The following AIDA variants were observed in gnomAD, a reference collection of about 807,000 sequenced individuals.
AIDA encodes axin interactor, dorsalization associated.
Under a neutral mutation model 42.7 loss-of-function variants are expected in AIDA, and 18 were observed. The observed-to-expected ratio is 0.42, with a 90% CI of 0.29 to 0.63. The LOEUF is 0.63. AIDA is among the 20% of genes least tolerant of loss of function. The probability of loss-of-function intolerance (pLI) is 0.19; values close to 1 mark genes in which losing one functional copy is unlikely to be tolerated. For missense variants in AIDA, 250 were observed against 354.1 expected (o/e 0.71, Z 2.36); for synonymous variants, 104 against 122.9 (o/e 0.85, Z 1.02).
At chr1:222,684,979 G>A (rs983059580) in intron 6 of AIDA, among the ~76,000 whole-genome samples, 1 of 152,136 alleles carries the variant, frequency 6.6e-6, no homozygotes, top group Non-Finnish European at 1.5e-5. Flanking sequence ...AAATTATCGA[G>A]TCAGTGAAAC....
At position 222,688,075 on chromosome 1, in the gene AIDA, C is replaced by A. The variant is rs140213179; in HGVS notation, c.290-417G>T. 1.5e-3 allele frequency among the ~76,000 whole-genome samples: 225 copies of A among 152,164 alleles called. 6 individuals are homozygous for A. In the South Asian group the frequency reaches 0.021, roughly 14 times the overall value. On this transcript the variant is annotated intron_variant, in intron 4 of 9. Transcript: ENST00000340020. ...TCTACAAAATAAAAATAAAAATTAG[C>A]CAGGCATGGTGGCGCAGGTCTGTGG...
At position 222,712,458 on chromosome 1, in the gene AIDA, G is replaced by A. The variant is rs901605933; in HGVS notation, c.-141C>T. ...CACCACCGCCACCCGCCGAGGAGCC[G>A]CCCAAGCCCATTTGCCGCCACAGCC... On this transcript the variant is annotated 5_prime_UTR_variant, in exon 1 of 10. Transcript: ENST00000340020. 31 of 1,428,502 alleles carry A rather than the reference G, an allele frequency of 2.2e-5. No homozygotes were observed. Among genetic ancestry groups the A allele is most frequent in the South Asian group, 4.5e-5 (3 of 66,810 alleles). 88.5% of individuals were successfully genotyped at this position (1,428,502 alleles called of 1,614,324 possible).
intron 1 of AIDA, 183 bp downstream of exon 1, chr1:222,712,025 G>T: frequency 1.2e-6 from 1 of 805,412 alleles, no homozygotes; most frequent in South Asian, 1.8e-5. Flanking sequence ...CCCAGAGAGC[G>T]GAGCCGTTGT....
intron 6 of AIDA, 107 bp downstream of exon 6, chr1:222,686,823 G>T: frequency 1.5e-6 from 2 of 1,365,784 alleles, no homozygotes; most frequent in Non-Finnish European, 2.0e-6. Flanking sequence ...ATTGGCATGA[G>T]CTTTAGAGTG....
chr1:222,684,252 C>T (rs1047667178), intron 6 of AIDA, among the ~76,000 whole-genome samples: 2 of 152,016 alleles, frequency 1.3e-5, no homozygotes, highest in African/African-American at 4.8e-5. Context: ...GCTGAGATTA[C>T]AGGTGCCCAC....
chr1:222,669,867 G>C lies in AIDA; in HGVS notation c.*26C>G, dbSNP rs900750184. On this transcript the variant is annotated 3_prime_UTR_variant, in exon 10 of 10. Transcript: ENST00000340020. ...TTTCTACTGAGTGGTAAAATTCACA[G>C]AAGTTCCAGGTTCATCATGTCAGGA... 14 of 1,599,974 alleles carry C rather than the reference G, an allele frequency of 8.8e-6. No homozygotes were observed. The Admixed American group carries it at 1.5e-4, about 17-fold the overall frequency.
chr1:222,672,218 G>A lies in AIDA; in HGVS notation c.706+1095C>T, dbSNP rs1015980885. ...TTCTACTTTTATTATCTAGTGAGTCGAGCCATTAAGAAAGAACACAGTGTA... is the reference window on the plus strand; with the variant it reads ...TTCTACTTTTATTATCTAGTGAGTCAAGCCATTAAGAAAGAACACAGTGTA... On this transcript the variant is annotated intron_variant, in intron 8 of 9. Coordinates refer to ENST00000340020, the MANE Select transcript of AIDA (RefSeq NM_022831.4). 5.3e-5 allele frequency among the ~76,000 whole-genome samples: 8 copies of A among 151,952 alleles called. No individual in the cohort carries two copies. In the Middle Eastern group the frequency reaches 0.01, roughly 194 times the overall value.
chr1:222,701,376 A>T (rs1655699601), intron 2 of AIDA, among the ~76,000 whole-genome samples: 1 of 152,208 alleles, frequency 6.6e-6, no homozygotes. Context: ...AACAGGATGC[A>T]AGTAACTCAA....
At chr1:222,710,596 T>C (rs936086249) in intron 1 of AIDA, among the ~76,000 whole-genome samples, 2 of 152,210 alleles carry the variant, frequency 1.3e-5, no homozygotes, top group Non-Finnish European at 2.9e-5. Context: ...TGCTTACTAA[T>C]TGGCTACAGT....
chr1:222,689,189 G>C (rs1044469770), intron 4 of AIDA, among the ~76,000 whole-genome samples: 4 of 151,774 alleles, frequency 2.6e-5, no homozygotes, highest in Non-Finnish European at 4.4e-5. Context: ...TGTAATCCCA[G>C]CACTTTGGGA....
At chr1:222,679,675 T>C (rs940788345) in intron 6 of AIDA, among the ~76,000 whole-genome samples, 4 of 152,322 alleles carry the variant, frequency 2.6e-5, no homozygotes, top group African/African-American at 9.6e-5. Flanking sequence ...CACAATCATA[T>C]AGCAGTTTGG....
rs373052208 is a variant in AIDA, at chr1:222,682,335, G to T, written c.460+4595C>A. ...AATGCCTTCTCAGAAAATTACTAAG[G>T]ATTGTATCTTCTGAAAACATCGTGA... On this transcript the variant is annotated intron_variant, in intron 6 of 9. Transcript: ENST00000340020. 3.9e-5 allele frequency among the ~76,000 whole-genome samples: 6 copies of T among 152,028 alleles called. No homozygotes were observed. The South Asian group carries it at 1.3e-3, about 32-fold the overall frequency.
intron 1 of AIDA, among the ~76,000 whole-genome samples, chr1:222,704,060 C>G (rs74351132): frequency 0.16 from 23,812 of 152,158 alleles, 2,480 homozygotes; most frequent in African/African-American, 0.29. Context: ...CATTACTAGT[C>G]ATTATGAAAA....
chr1:222,691,473 T>C (rs890373698), intron 4 of AIDA, among the ~76,000 whole-genome samples: 5 of 152,140 alleles, frequency 3.3e-5, no homozygotes, highest in African/African-American at 9.7e-5. Context: ...CGAAATTACA[T>C]AGAAAAATTT....
At chr1:222,679,355 GAAGT>G (rs1164867128) in intron 6 of AIDA, among the ~76,000 whole-genome samples, 8 of 151,912 alleles carry the variant, frequency 5.3e-5, no homozygotes, top group African/African-American at 1.9e-4. Flanking sequence ...GACTGTAACT[GAAGT>G]AAGAAAAGAA....
intron 2 of AIDA, among the ~76,000 whole-genome samples, chr1:222,699,722 G>A (rs1571939000): frequency 1.3e-5 from 2 of 151,724 alleles, no homozygotes; most frequent in African/African-American, 4.8e-5. Flanking sequence ...TGTCAGTATG[G>A]CTTTTTTTGG....
intron 6 of AIDA, among the ~76,000 whole-genome samples, chr1:222,678,046 C>T (rs1363832865): frequency 1.3e-5 from 2 of 152,092 alleles, no homozygotes; most frequent in South Asian, 2.1e-4. Context: ...TTTAAAGGGA[C>T]TATTACCACT....
At chr1:222,709,463 T>C (rs753938695) in intron 1 of AIDA, among the ~76,000 whole-genome samples, 68 of 152,068 alleles carry the variant, frequency 4.5e-4, no homozygotes, top group Admixed American at 9.8e-4. Flanking sequence ...AAAGAAAATA[T>C]ATTTTTGATT....
At chr1:222,676,066 G>T in intron 7 of AIDA, 30 bp downstream of exon 7, 1 of 1,527,148 alleles carries the variant, frequency 6.5e-7, no homozygotes, top group South Asian at 1.3e-5. Context: ...AAATTCACCT[G>T]AGAAAAAAAA....
Sources: allele counts gnomAD v4.1 joint callset (sites outside exome capture counted in the v4.1 genomes callset), GRCh38; gene constraint gnomAD v4.1.1; transcripts MANE v1.5; gene names NCBI Gene and HGNC (gene_info 2026-07-23, HGNC 2026-07-21).